The following ARB2A variants were observed in gnomAD, a reference collection of about 807,000 sequenced individuals.
ARB2A encodes the protein cotranscriptional regulator ARB2A.
At chr5:93,940,396 C>G in the ARB2A span, among the ~76,000 whole-genome samples, 2 of 151,890 alleles carry the variant, frequency 1.3e-5, no homozygotes, top group Non-Finnish European at 2.9e-5. Flanking sequence ...ATCCAGGAAC[C>G]ATTGTTGAAA....
At chr5:93,716,111 T>C in the ARB2A span, among the ~76,000 whole-genome samples, 1 of 152,196 alleles carries the variant, frequency 6.6e-6, no homozygotes, top group Non-Finnish European at 1.5e-5. Flanking sequence ...TAGATGTATT[T>C]ACGAAGGAGG....
chr5:94,069,043 T>TAGATAGATAGATAGAC, the ARB2A span, among the ~76,000 whole-genome samples: 8 of 137,526 alleles, frequency 5.8e-5, no homozygotes, highest in African/African-American at 2.2e-4. Flanking sequence ...CTTAAAAAGA[T>TAGATAGATAGATAGAC]AGATAGATAG....
At chr5:93,897,579 T>C in the ARB2A span, among the ~76,000 whole-genome samples, 1 of 151,916 alleles carries the variant, frequency 6.6e-6, no homozygotes. Flanking sequence ...AAAAAGTAGT[T>C]TTGAAAATCC....
At chr5:94,000,020 A>G in the ARB2A span, among the ~76,000 whole-genome samples, 1 of 152,064 alleles carries the variant, frequency 6.6e-6, no homozygotes, top group Non-Finnish European at 1.5e-5. Context: ...GCACTGAATA[A>G]TATTCCATTG....
chr5:93,999,973 C>G, the ARB2A span, among the ~76,000 whole-genome samples: 1 of 152,050 alleles, frequency 6.6e-6, no homozygotes, highest in Non-Finnish European at 1.5e-5. Flanking sequence ...TCCTCCATGT[C>G]TTTTCATGGC....
At chr5:93,643,544 G>T in the ARB2A span, among the ~76,000 whole-genome samples, 2 of 152,102 alleles carry the variant, frequency 1.3e-5, no homozygotes, top group Non-Finnish European at 2.9e-5. Flanking sequence ...GCCCAGGCTG[G>T]AGTGCAATGG....
chr5:93,903,632 A>G, the ARB2A span, among the ~76,000 whole-genome samples: 1 of 151,998 alleles, frequency 6.6e-6, no homozygotes, highest in Admixed American at 6.6e-5. Flanking sequence ...TATGGTATAC[A>G]GTATAATGAT....
the ARB2A span, among the ~76,000 whole-genome samples, chr5:93,804,335 CTG>C: frequency 1.2e-4 from 19 of 152,066 alleles, no homozygotes; most frequent in Middle Eastern, 6.8e-3. Context: ...AAGTAAACAA[CTG>C]TTCATGCATA....
At chr5:93,978,867 G>T in the ARB2A span, among the ~76,000 whole-genome samples, 3 of 152,118 alleles carry the variant, frequency 2.0e-5, no homozygotes, top group Admixed American at 6.5e-5. Flanking sequence ...TGGGGTGGGG[G>T]TTGAGGGTGG....
At chr5:94,039,529 C>T in the ARB2A span, among the ~76,000 whole-genome samples, 1 of 152,126 alleles carries the variant, frequency 6.6e-6, no homozygotes, top group Non-Finnish European at 1.5e-5. Flanking sequence ...AATGATGTAC[C>T]CCTTGTTCAG....
chr5:93,851,219 A>G, the ARB2A span, among the ~76,000 whole-genome samples: 1 of 152,202 alleles, frequency 6.6e-6, no homozygotes, highest in Non-Finnish European at 1.5e-5. Flanking sequence ...AGAAGAATGA[A>G]TATTTAAATA....
the ARB2A span, among the ~76,000 whole-genome samples, chr5:93,944,700 CA>C: frequency 2.6e-5 from 4 of 151,424 alleles, no homozygotes; most frequent in Non-Finnish European, 4.4e-5. Context: ...AACAAAAGAA[CA>C]AAAGACAGAA....
the ARB2A span, among the ~76,000 whole-genome samples, chr5:93,783,509 A>C: frequency 1.1e-4 from 16 of 152,226 alleles, no homozygotes; most frequent in African/African-American, 3.9e-4. Context: ...GAATTTACCC[A>C]CCACACAGTC....
the ARB2A span, among the ~76,000 whole-genome samples, chr5:93,714,483 C>T: frequency 3.9e-5 from 6 of 152,242 alleles, no homozygotes; most frequent in South Asian, 2.1e-4. Flanking sequence ...TCACTGTAAG[C>T]GCAGATGAAC....
At chr5:93,683,677 G>A in the ARB2A span, 1 of 1,608,590 alleles carries the variant, frequency 6.2e-7, no homozygotes, top group African/African-American at 1.3e-5. Flanking sequence ...ATAGTTCTGG[G>A]GCCTCAGGGG....
the ARB2A span, chr5:93,805,043 A>G: frequency 2.1e-6 from 2 of 961,742 alleles, no homozygotes; most frequent in Non-Finnish European, 1.2e-6. Context: ...TTATGAGGGG[A>G]TGCATTTTAA....
At chr5:93,673,379 CTCTT>C in the ARB2A span, among the ~76,000 whole-genome samples, 1 of 151,754 alleles carries the variant, frequency 6.6e-6, no homozygotes, top group Admixed American at 6.6e-5. Context: ...TTTCTCTCTT[CTCTT>C]TTTTTTTTCT....
chr5:93,620,656 C>G, the ARB2A span: 25 of 211,638 alleles, frequency 1.2e-4, no homozygotes, highest in Non-Finnish European at 2.0e-4. Flanking sequence ...CCGACGCCGC[C>G]GGACCCGCAG....
chr5:93,963,443 G>A, the ARB2A span, among the ~76,000 whole-genome samples: 1 of 151,880 alleles, frequency 6.6e-6, no homozygotes, highest in Non-Finnish European at 1.5e-5. Flanking sequence ...AATATATGTT[G>A]AATAAATGAA....
Sources: gnomAD v4.1 joint callset for allele counts (sites outside exome capture counted in the v4.1 genomes callset) on GRCh38, gnomAD v4.1.1 for gene constraint, MANE v1.5 for transcripts, NCBI Gene and HGNC (gene_info 2026-07-23, HGNC 2026-07-21) for gene names.